LYN: variants seen among roughly 807,000 people sequenced by gnomAD.
LYN encodes the protein tyrosine-protein kinase Lyn.
A neutral mutation model predicts 65.0 loss-of-function variants in LYN; 12 were observed. The observed-to-expected ratio is 0.18, with a 90% confidence interval of 0.12 to 0.30. The LOEUF (loss-of-function observed/expected upper bound fraction) is 0.30, where lower values mean the gene tolerates loss of function less well. Among genes scored for constraint, LYN ranks in the 10% least tolerant of loss-of-function variants. The pLI is 1.00. For missense variants in LYN, 380 were observed against 623.2 expected, an observed-to-expected ratio of 0.61 and a Z score of 4.16; for synonymous variants, 222 against 221.2, an observed-to-expected ratio of 1.00 and a Z score of -0.03.
rs1806418395 is a variant in LYN at position 55,935,810 on chromosome 8, G to GA, written c.-5-6041dup. ...AAAAAAAAAAAAAACAGGAATTTGGGAAAATTGATGCAAGACTGAACTGCT... is the reference window on the plus strand; with the variant it reads ...AAAAAAAAAAAAAACAGGAATTTGGGAAAAATTGATGCAAGACTGAACTGCT... On this transcript the variant is annotated intron_variant, in intron 1 of 12. Transcript: ENST00000519728. 4.0e-5 allele frequency among the ~76,000 whole-genome samples: 6 copies of GA among 151,000 alleles called. No homozygotes were observed. The South Asian group carries it at 1.3e-3, about 32-fold the overall frequency.
intron 1 of LYN, among the ~76,000 whole-genome samples, chr8:55,926,674 G>T (rs1292839465): frequency 1.3e-5 from 2 of 152,156 alleles, no homozygotes; most frequent in Non-Finnish European, 2.9e-5. Context: ...AAGACTATTG[G>T]GTGTTAAGAA....
chr8:55,907,621 C>T (rs1805466558), intron 1 of LYN, among the ~76,000 whole-genome samples: 1 of 152,120 alleles, frequency 6.6e-6, no homozygotes, highest in African/African-American at 2.4e-5. Flanking sequence ...AATCCCAGGA[C>T]TTTGAGAGAC....
In LYN at chr8:55,966,881, C is replaced by G; in HGVS notation, c.957C>G (p.Thr319=). 2 of 1,613,638 alleles carry G rather than the reference C, an allele frequency of 1.2e-6. No homozygotes were observed. Among genetic ancestry groups the G allele is most frequent in the Non-Finnish European group, 1.7e-6 (2 of 1,179,834 alleles). The part of the protein sequence containing the change: ...VTREEPIYII[T]EYMAKGSLLD... ...GGGAGGAGCCCATTTACATCATCAC[C>G]GAGTACATGGCCAAGGGTGAGTTCC... Residue 319 remains threonine, a synonymous_variant, in exon 9 of 13, where the codon ACC becomes ACG. Coordinates refer to ENST00000519728, the MANE Select transcript of LYN (RefSeq NM_002350.4).
intron 1 of LYN, among the ~76,000 whole-genome samples, chr8:55,928,633 C>T (rs1225475897): frequency 1.3e-5 from 2 of 152,056 alleles, no homozygotes; most frequent in Non-Finnish European, 2.9e-5. Flanking sequence ...AGATACCATT[C>T]CTTTATTAGA....
At chr8:55,953,186 C>T (rs929694072) in intron 7 of LYN, among the ~76,000 whole-genome samples, 1 of 152,162 alleles carries the variant, frequency 6.6e-6, no homozygotes, top group African/African-American at 2.4e-5. Context: ...ACCGAGTCCC[C>T]ACTATGGTGC....
intron 12 of LYN, among the ~76,000 whole-genome samples, chr8:56,002,418 TA>T (rs1015606137): frequency 1.9e-4 from 27 of 143,770 alleles, no homozygotes; most frequent in African/African-American, 7.4e-4. Context: ...GACTCCATCT[TA>T]AAAAAATAAA....
intron 1 of LYN, among the ~76,000 whole-genome samples, chr8:55,924,114 T>C (rs1806024999): frequency 1.3e-5 from 2 of 151,748 alleles, no homozygotes. Flanking sequence ...TTTACAAATA[T>C]ATGCTGCTGT....
chr8:55,883,926 A>G (rs1804717305), intron 1 of LYN, among the ~76,000 whole-genome samples: 1 of 152,180 alleles, frequency 6.6e-6, no homozygotes, highest in Non-Finnish European at 1.5e-5. Flanking sequence ...TGATACTTAA[A>G]TTGTGAAACT....
At chr8:55,925,612 C>T (rs994311526) in intron 1 of LYN, among the ~76,000 whole-genome samples, 14 of 152,060 alleles carry the variant, frequency 9.2e-5, no homozygotes, top group African/African-American at 2.4e-5. Context: ...CACAGCCATG[C>T]GGGGATGGGC....
intron 12 of LYN, among the ~76,000 whole-genome samples, chr8:56,003,843 A>G (rs1808598964): frequency 6.6e-6 from 1 of 151,776 alleles, no homozygotes; most frequent in African/African-American, 2.4e-5. Flanking sequence ...GGGTCAAGAG[A>G]TAATAGGTTA....
At chr8:55,986,783 T>C (rs1808085157) in intron 10 of LYN, among the ~76,000 whole-genome samples, 1 of 152,204 alleles carries the variant, frequency 6.6e-6, no homozygotes, top group African/African-American at 2.4e-5. Flanking sequence ...TAGAGAGCAG[T>C]GATGTGATCA....
intron 12 of LYN, 23 bp from the exon 13 acceptor site, chr8:56,009,885 C>T (rs763294733): frequency 1.2e-6 from 2 of 1,608,006 alleles, no homozygotes. Flanking sequence ...GGTTTCTGTT[C>T]TTTTTGTTTT....
rs112775774 is a variant in LYN at position 55,944,014 on chromosome 8, G to A, written c.132+2023G>A. Reference sequence around the variant, plus strand: ...AGGAGAATTGTTTGAACCAGGACCCGGGAGGGAGAGGTTGCAGTGAGCCGA... The same window carrying A: ...AGGAGAATTGTTTGAACCAGGACCCAGGAGGGAGAGGTTGCAGTGAGCCGA... On this transcript the variant is annotated intron_variant, in intron 2 of 12. Transcript: ENST00000519728. Among the ~76,000 whole-genome samples the A allele has an allele frequency of 3.0e-3, 460 of 151,530 alleles. 3 individuals carry two copies. Among genetic ancestry groups the A allele is most frequent in the African/African-American group, 0.01 (430 of 41,284 alleles).
rs911319676 is a variant in LYN, at chr8:56,010,217, G to A, written c.*107G>A. On this transcript the variant is annotated 3_prime_UTR_variant, in exon 13 of 13. Transcript: ENST00000519728. ...ATTTCATGTGCGGGGATCATCTGCC[G>A]TGCCTGGATCCTGAAATAGAGGCTA... 8 of 1,138,652 alleles carry A rather than the reference G, an allele frequency of 7.0e-6. No homozygotes were observed. Among genetic ancestry groups the A allele is most frequent in the East Asian group, 4.8e-5 (2 of 41,822 alleles). 70.5% of individuals were successfully genotyped at this position (1,138,652 alleles called of 1,614,324 possible). A position where few individuals can be genotyped will look rare whatever the true frequency, so the allele number is the denominator to read the frequency against.
chr8:55,961,987 T>TC (rs1807294800), intron 8 of LYN, among the ~76,000 whole-genome samples: 1 of 151,520 alleles, frequency 6.6e-6, no homozygotes, highest in South Asian at 2.1e-4. Context: ...GATGTATGCA[T>TC]CCCCCCAAAA....
chr8:55,966,886 A>T lies in LYN; in HGVS notation c.962A>T (p.Tyr321Phe). ...REEPIYIITE[Y>F]MAKGSLLDFL... ...GAGCCCATTTACATCATCACCGAGTACATGGCCAAGGGTGAGTTCCTCCCA... is the reference window on the plus strand; with the variant it reads ...GAGCCCATTTACATCATCACCGAGTTCATGGCCAAGGGTGAGTTCCTCCCA... Residue 321 changes from tyrosine to phenylalanine, a missense_variant, in exon 9 of 13, where the codon TAC becomes TTC. Transcript: ENST00000519728. 1 of 1,613,696 alleles carries T rather than the reference A, an allele frequency of 6.2e-7. No individual in the cohort carries two copies. The highest frequency in any genetic ancestry group is 8.5e-7 in the Non-Finnish European group (1 of 1,179,818).
intron 2 of LYN, among the ~76,000 whole-genome samples, chr8:55,945,731 C>CT (rs1806757447): frequency 6.8e-6 from 1 of 146,922 alleles, no homozygotes. Context: ...CAATAACTCA[C>CT]CCCCCCACTG....
chr8:55,944,600 C>T (rs1361744502), intron 2 of LYN, among the ~76,000 whole-genome samples: 2 of 152,214 alleles, frequency 1.3e-5, no homozygotes, highest in Non-Finnish European at 2.9e-5. Flanking sequence ...CCTGCCTCAG[C>T]CTCCCGAGTA....
intron 1 of LYN, among the ~76,000 whole-genome samples, chr8:55,941,392 T>A (rs960140082): frequency 6.6e-6 from 1 of 152,346 alleles, no homozygotes; most frequent in South Asian, 2.1e-4. Flanking sequence ...GGCCATGTTA[T>A]CTTGAGCTCA....
Sources: gnomAD v4.1 joint callset for allele counts (sites outside exome capture counted in the v4.1 genomes callset) on GRCh38, gnomAD v4.1.1 for gene constraint, MANE v1.5 for transcripts, NCBI Gene and HGNC (gene_info 2026-07-23, HGNC 2026-07-21) for gene names.